ZDHHC15: variants seen among roughly 807,000 people sequenced by gnomAD.
ZDHHC15 encodes zDHHC palmitoyltransferase 15.
ZDHHC15 carries 19 observed loss-of-function variants against 31.7 expected under a neutral mutation model. The observed-to-expected ratio is 0.60, with a 90% CI of 0.42 to 0.88. ZDHHC15 has a LOEUF of 0.88. Ranked by LOEUF, ZDHHC15 falls within the 40% of genes least tolerant of loss-of-function variation. The pLI is 0.00. For missense variants in ZDHHC15, 209 were observed against 251.2 expected, an observed-to-expected ratio of 0.83 and a Z score of 1.14; for synonymous variants, 103 against 90.0, an observed-to-expected ratio of 1.14 and a Z score of -0.82.
intron 7 of ZDHHC15, among the ~76,000 whole-genome samples, chrX:75,428,187 GC>G (rs1329903204): frequency 6.3e-5 from 7 of 111,235 alleles, no homozygotes; most frequent in African/African-American, 2.3e-4. Flanking sequence ...AGTTTGGACA[GC>G]CTTCATCATG....
intron 3 of ZDHHC15, among the ~76,000 whole-genome samples, chrX:75,455,675 C>T (rs747513196): frequency 8.9e-6 from 1 of 111,836 alleles, no homozygotes; most frequent in Non-Finnish European, 1.9e-5. Context: ...AAGAAAAAAT[C>T]AAACAATTTC....
At position 75,520,863 on chromosome X, in the gene ZDHHC15, T is replaced by C. The variant is rs2085432343; in HGVS notation, c.136+2026A>G. 2.7e-5 allele frequency among the ~76,000 whole-genome samples: 3 copies of C among 111,306 alleles called. No homozygotes were observed. In the South Asian group the frequency reaches 1.1e-3, roughly 43 times the overall value. On this transcript the variant is annotated intron_variant, in intron 1 of 11. Coordinates refer to ENST00000373367, the MANE Select transcript of ZDHHC15 (RefSeq NM_144969.3). ...AAGGAAGAGGTAAAAAAAATTCCAA[T>C]TGTGATTCAGAGAGGTAATTAGAAT...
chrX:75,514,146 G>A (rs962847367), intron 1 of ZDHHC15, among the ~76,000 whole-genome samples: 2 of 112,415 alleles, frequency 1.8e-5, no homozygotes, highest in African/African-American at 6.5e-5. Flanking sequence ...AACTGAAAAG[G>A]CACTCACTGT....
chrX:75,517,343 C>T (rs1254429296), intron 1 of ZDHHC15, among the ~76,000 whole-genome samples: 3 of 110,164 alleles, frequency 2.7e-5, no homozygotes, highest in Non-Finnish European at 5.7e-5. Flanking sequence ...AACCCAAATG[C>T]CCATCAATGA....
intron 2 of ZDHHC15, among the ~76,000 whole-genome samples, chrX:75,489,499 T>C (rs1312990631): frequency 8.9e-6 from 1 of 112,057 alleles, no homozygotes; most frequent in African/African-American, 3.2e-5. Context: ...GTGGACCTCC[T>C]GAAAATTCCA....
At chrX:75,404,007 T>A (rs952157365) in intron 10 of ZDHHC15, among the ~76,000 whole-genome samples, 2 of 111,806 alleles carry the variant, frequency 1.8e-5, no homozygotes, top group Admixed American at 1.9e-4. Flanking sequence ...AAAAACAGCA[T>A]AGTACTGGTA....
intron 2 of ZDHHC15, 131 bp downstream of exon 2, chrX:75,505,690 C>T: frequency 1.4e-6 from 1 of 731,357 alleles, no homozygotes; most frequent in Non-Finnish European, 2.0e-6. Context: ...TGAAAACCAT[C>T]ATTCTAAACT....
chrX:75,444,679 TATATATATAC>T (rs1231338653), intron 4 of ZDHHC15, among the ~76,000 whole-genome samples: 20 of 45,026 alleles, frequency 4.4e-4, no homozygotes, highest in Non-Finnish European at 6.7e-4. Flanking sequence ...TATATATATA[TATATATATAC>T]ACACACACAC....
At chrX:75,383,910 T>C (rs1203388142) in intron 10 of ZDHHC15, among the ~76,000 whole-genome samples, 1 of 107,574 alleles carries the variant, frequency 9.3e-6, no homozygotes, top group Non-Finnish European at 1.9e-5. Flanking sequence ...AGCTAATTTT[T>C]TTTTTGTATT....
chrX:75,474,446 TATAC>T lies in ZDHHC15; in HGVS notation c.258+4441_258+4444del, dbSNP rs754904145. Among the ~76,000 whole-genome samples the T allele has an allele frequency of 6.0e-3, 397 of 66,020 alleles. 2 individuals are homozygous for T. The highest frequency in any genetic ancestry group is 0.02 in the East Asian group (60 of 2,967). 57.3% of individuals were successfully genotyped at this position (66,020 alleles called of 115,157 possible). On this transcript the variant is annotated intron_variant, in intron 3 of 11. Transcript: ENST00000373367. Reference sequence around the variant, plus strand: ...ATAAACTCCCCTTTATATATATATATATACACACACACACACACACACACACATA... The same window carrying T: ...ATAAACTCCCCTTTATATATATATATACACACACACACACACACACACATA...
At chrX:75,384,550 C>T in intron 10 of ZDHHC15, 1 of 829,853 alleles carries the variant, frequency 1.2e-6, no homozygotes, top group Non-Finnish European at 1.8e-6. Flanking sequence ...CAATGTTACC[C>T]AGCATACTGT....
chrX:75,484,742 A>G (rs2084750253), intron 2 of ZDHHC15, among the ~76,000 whole-genome samples: 1 of 112,054 alleles, frequency 8.9e-6, no homozygotes, highest in South Asian at 3.7e-4. Context: ...ACAAAAACAT[A>G]TATCTCCACA....
chrX:75,451,244 C>T (rs1452751642), intron 3 of ZDHHC15, among the ~76,000 whole-genome samples: 1 of 111,763 alleles, frequency 8.9e-6, no homozygotes, highest in African/African-American at 3.2e-5. Context: ...AGACTTGTCC[C>T]TTTCCATTGA....
chrX:75,397,339 T>A (rs6607550), intron 10 of ZDHHC15, among the ~76,000 whole-genome samples: 21,199 of 97,911 alleles, frequency 0.22, 2,162 homozygotes, highest in East Asian at 0.86. Context: ...AAAAAAAAAA[T>A]TGTTAGAATA....
At chrX:75,425,998 C>G (rs1419137949) in intron 7 of ZDHHC15, among the ~76,000 whole-genome samples, 1 of 111,500 alleles carries the variant, frequency 9.0e-6, no homozygotes, top group African/African-American at 3.3e-5. Context: ...AGCAGCCCAG[C>G]AAAGAGCTAC....
intron 2 of ZDHHC15, among the ~76,000 whole-genome samples, chrX:75,500,054 T>G (rs1159440196): frequency 9.0e-6 from 1 of 111,221 alleles, no homozygotes; most frequent in Non-Finnish European, 1.9e-5. Context: ...CATCTATGTT[T>G]TCAGTTATAA....
intron 4 of ZDHHC15, among the ~76,000 whole-genome samples, chrX:75,437,552 T>TA: frequency 1.0e-5 from 1 of 99,214 alleles, no homozygotes; most frequent in Middle Eastern, 5.0e-3. Flanking sequence ...TTTTTTGTTC[T>TA]TGCGATAGTT....
chrX:75,407,723 CATT>C (rs1416733373), intron 10 of ZDHHC15, among the ~76,000 whole-genome samples: 2 of 113,023 alleles, frequency 1.8e-5, no homozygotes, highest in Non-Finnish European at 3.8e-5. Flanking sequence ...CCCAACAGCT[CATT>C]GAGAATGGGC....
intron 10 of ZDHHC15, among the ~76,000 whole-genome samples, chrX:75,403,391 AAG>A (rs1268837089): frequency 8.9e-6 from 1 of 112,019 alleles, no homozygotes; most frequent in African/African-American, 3.2e-5. Flanking sequence ...ACAATCAGGA[AAG>A]AGAGATAAAT....
Sources: allele counts gnomAD v4.1 joint callset (sites outside exome capture counted in the v4.1 genomes callset), GRCh38; gene constraint gnomAD v4.1.1; transcripts MANE v1.5; gene names NCBI Gene and HGNC (gene_info 2026-07-23, HGNC 2026-07-21).